The following MYLK3 variants were observed in gnomAD, a reference collection of about 807,000 sequenced individuals.
MYLK3 encodes the protein MLC kinase.
MYLK3 carries 55 observed loss-of-function variants against 76.3 expected under a neutral mutation model. That is an observed-to-expected ratio of 0.72 (90% CI 0.58 to 0.90). The LOEUF (loss-of-function observed/expected upper bound fraction) is 0.90, where lower values mean the gene tolerates loss of function less well. Ranked by LOEUF, MYLK3 falls within the 40% of genes least tolerant of loss-of-function variation. The pLI is 0.00. For synonymous variants in MYLK3, 416 were observed against 425.4 expected, an observed-to-expected ratio of 0.98 and a Z score of 0.27; for missense variants, 973 against 1,053.6, an observed-to-expected ratio of 0.92 and a Z score of 1.06.
intron 8 of MYLK3, chr16:46,726,138 T>C (rs1421158189): frequency 1.3e-5 from 2 of 152,240 alleles, no homozygotes; most frequent in Admixed American, 1.3e-4. Flanking sequence ...GCTGTAAGTA[T>C]TAGGGTTTAT....
rs1157499343 is a variant in MYLK3 at position 46,748,129 on chromosome 16, A to G, written c.65T>C (p.Leu22Ser). ...GTTCAGCTTTGTGTCCATGGTTGTT[A>G]AGCAGGTCTTGCCCAACCCTGGCAG... is the stretch of plus-strand genomic sequence containing the variant. ...GGLPGLGKTC[L>S]TTMDTKLNML... Residue 22 changes from leucine (L) to serine (S), a missense_variant, in exon 1 of 13, where the codon TTA becomes TCA. By Grantham distance (145) the Leu-to-Ser change is moderately radical. Coordinates refer to ENST00000394809, the MANE Select transcript of MYLK3 (RefSeq NM_182493.3). The surrounding 1 kb of genome is among the most constrained non-coding windows in gnomAD (Gnocchi z 4.3). 1 of 1,614,194 alleles carries G rather than the reference A, an allele frequency of 6.2e-7. No homozygotes were observed. The highest frequency in any genetic ancestry group is 1.6e-4 in the Middle Eastern group (1 of 6,062).
intron 1 of MYLK3, among the ~76,000 whole-genome samples, chr16:46,744,418 G>T (rs764475021): frequency 6.9e-5 from 9 of 130,520 alleles, no homozygotes; most frequent in Non-Finnish European, 1.4e-4. Flanking sequence ...TTGGCTCACT[G>T]CAACCTCCAA....
intron 7 of MYLK3, among the ~76,000 whole-genome samples, chr16:46,727,724 A>C (rs1966845419): frequency 6.6e-6 from 1 of 152,148 alleles, no homozygotes; most frequent in East Asian, 1.9e-4. Flanking sequence ...ACAGGGTTTC[A>C]CCATGTCGGT....
intron 1 of MYLK3, among the ~76,000 whole-genome samples, chr16:46,747,257 T>A (rs550768385): frequency 1.3e-5 from 2 of 152,190 alleles, no homozygotes; most frequent in African/African-American, 2.4e-5. Flanking sequence ...CACAGGCAGC[T>A]GCACTCTCCA....
chr16:46,733,912 C>A (rs1966858017), intron 3 of MYLK3, among the ~76,000 whole-genome samples: 1 of 152,180 alleles, frequency 6.6e-6, no homozygotes, highest in Non-Finnish European at 1.5e-5. Context: ...TGATACCTTA[C>A]AGATGCACCA....
At position 46,729,657 on chromosome 16, in the gene MYLK3, T is replaced by G. The variant is rs757977738; in HGVS notation, c.1599A>C (p.Thr533=). The G allele has an allele frequency of 6.2e-7, 1 of 1,613,716 alleles. No individual in the cohort carries two copies. The highest frequency in any genetic ancestry group is 8.5e-7 in the Non-Finnish European group (1 of 1,179,790). ...GGRFGQVHRC[T]EKSTGLPLAA... ...CCAGTGGGAGGCCTGTGGACTTCTCTGTGCACCTGTGGACCTGGCCAAACC... is the reference window on the plus strand; with the variant it reads ...CCAGTGGGAGGCCTGTGGACTTCTCGGTGCACCTGTGGACCTGGCCAAACC... The change falls in exon 6 of 13, where the codon ACA becomes ACC. Residue 533 remains threonine (T), a synonymous_variant. Transcript: ENST00000394809.
At chr16:46,757,543 T>C in intron 1 of MYLK3, 1 of 985,422 alleles carries the variant, frequency 1.0e-6, no homozygotes, top group Non-Finnish European at 1.2e-6. Flanking sequence ...ACTCCGTGTT[T>C]ACTCTGCCTA....
chr16:46,709,437 A>G (rs1464206175), intron 12 of MYLK3, 102 bp downstream of exon 12: 1 of 1,346,474 alleles, frequency 7.4e-7, no homozygotes, highest in Admixed American at 2.4e-5. Context: ...ACAAACCCAA[A>G]AAGAAGAAAA....
chr16:46,738,606 A>G (rs557082452), intron 2 of MYLK3, among the ~76,000 whole-genome samples: 1 of 152,380 alleles, frequency 6.6e-6, no homozygotes, highest in East Asian at 1.9e-4. Flanking sequence ...CTCTGAATAT[A>G]CTGTAAGTGA....
chr16:46,709,498 G>A, intron 12 of MYLK3, 41 bp downstream of exon 12: 1 of 1,592,022 alleles, frequency 6.3e-7, no homozygotes, highest in Admixed American at 1.8e-5. Flanking sequence ...GGACAGATTA[G>A]GATGACAAAT....
At chr16:46,712,515 A>G (rs964744260) in intron 10 of MYLK3, 133 bp downstream of exon 10, 9 of 703,090 alleles carry the variant, frequency 1.3e-5, no homozygotes, top group Non-Finnish European at 1.7e-5. Flanking sequence ...TCACTACCCT[A>G]TTCCTCTATT....
Position 46,706,653 on chromosome 16 carries a change from GA to G in MYLK3, c.*1050del, listed in dbSNP as rs1966629681. On this transcript the variant is annotated 3_prime_UTR_variant, in exon 13 of 13. Coordinates refer to ENST00000394809, the MANE Select transcript of MYLK3 (RefSeq NM_182493.3). ...GAAAAGTTACTAAAATCATAAGGAG[GA>G]AAACATATGTTTACTATTCATTAAG... 1 of 152,184 alleles carries G rather than the reference GA, an allele frequency of 6.6e-6. No individual in the cohort carries two copies. The highest frequency in any genetic ancestry group is 1.5e-5 in the Non-Finnish European group (1 of 68,020). The allele number at this position is 152,184 out of a possible 1,614,324, so 9.4% of individuals were successfully genotyped here.
At chr16:46,760,320 C>T (rs1967261109) in intron 1 of MYLK3, among the ~76,000 whole-genome samples, 1 of 152,206 alleles carries the variant, frequency 6.6e-6, no homozygotes, top group East Asian at 1.9e-4. Context: ...CCTCACCTCC[C>T]CGGCTGACAA....
chr16:46,702,638 C>T lies in MYLK3; in HGVS notation c.*5066G>A, dbSNP rs1298833406. ...TTTTTAATTATAAATGTAATACATGCGGGCCAGGCGCAGTGGCTCACACCT... is the reference window on the plus strand; with the variant it reads ...TTTTTAATTATAAATGTAATACATGTGGGCCAGGCGCAGTGGCTCACACCT... On this transcript the variant is annotated 3_prime_UTR_variant, in exon 13 of 13. Transcript: ENST00000394809. Among the ~76,000 whole-genome samples, 11 of 152,092 alleles carry T rather than the reference C, an allele frequency of 7.2e-5. No homozygotes were observed. Among genetic ancestry groups the T allele is most frequent in the South Asian group, 2.1e-4 (1 of 4,830 alleles).
intron 2 of MYLK3, 57 bp downstream of exon 2, chr16:46,740,000 T>G (rs1966903022): frequency 1.0e-5 from 13 of 1,290,986 alleles, no homozygotes; most frequent in Non-Finnish European, 1.4e-5. Flanking sequence ...GTTGGGGCCT[T>G]TATTCTGAAG....
intron 8 of MYLK3, among the ~76,000 whole-genome samples, chr16:46,723,597 C>T (rs1966820421): frequency 6.7e-6 from 1 of 150,174 alleles, no homozygotes; most frequent in Non-Finnish European, 1.5e-5. Flanking sequence ...GCACATTTTA[C>T]AACCCCACCA....
chr16:46,732,165 T>G (rs1231088741), intron 4 of MYLK3, 43 bp downstream of exon 4: 12 of 1,489,370 alleles, frequency 8.1e-6, no homozygotes, highest in Non-Finnish European at 9.8e-6. Flanking sequence ...CCAAACTCCC[T>G]CCCCTCAGGG....
chr16:46,720,750 G>T (rs904374298), intron 9 of MYLK3, among the ~76,000 whole-genome samples: 2 of 152,152 alleles, frequency 1.3e-5, no homozygotes, highest in African/African-American at 4.8e-5. Flanking sequence ...GGAGGGCAGG[G>T]ATGGTGACAG....
At chr16:46,713,792 CT>C (rs1966709130) in intron 9 of MYLK3, among the ~76,000 whole-genome samples, 1 of 152,178 alleles carries the variant, frequency 6.6e-6, no homozygotes, top group Non-Finnish European at 1.5e-5. Flanking sequence ...AAGAGTTTGT[CT>C]TTTTTAGATT....
Sources: gnomAD v4.1 joint callset for allele counts (sites outside exome capture counted in the v4.1 genomes callset) on GRCh38, gnomAD v4.1.1 for gene constraint, Gnocchi (gnomAD v3.1) non-coding constraint, MANE v1.5 for transcripts, NCBI Gene and HGNC (gene_info 2026-07-23, HGNC 2026-07-21) for gene names.